LHFPL3: variants seen among roughly 807,000 people sequenced by gnomAD.
The protein encoded by LHFPL3 is LHFPL tetraspan subfamily member 3.
In LHFPL3, 5 loss-of-function variants were observed where a neutral mutation model predicts 19.3. That is an observed-to-expected ratio of 0.26 (90% CI 0.14 to 0.54). The LOEUF (loss-of-function observed/expected upper bound fraction) is 0.54, where lower values mean the gene tolerates loss of function less well. Ranked by LOEUF, LHFPL3 falls within the 20% of genes least tolerant of loss-of-function variation. The probability of loss-of-function intolerance (pLI) is 0.94; values close to 1 mark genes in which losing one functional copy is unlikely to be tolerated. For missense variants in LHFPL3, 249 were observed against 307.4 expected (o/e 0.81, Z 1.42); for synonymous variants, 133 against 126.2 (o/e 1.05, Z -0.36).
At chr7:104,832,199 G>A (rs565167605) in intron 2 of LHFPL3, among the ~76,000 whole-genome samples, 3 of 152,074 alleles carry the variant, frequency 2.0e-5, no homozygotes, top group East Asian at 1.9e-4. Context: ...TAGATGCACC[G>A]GATAATTGTC....
At chr7:104,438,818 T>TA (rs138507751) in intron 1 of LHFPL3, among the ~76,000 whole-genome samples, 30,764 of 151,680 alleles carry the variant, frequency 0.2, 3,546 homozygotes, top group Admixed American at 0.33. Context: ...GTTGATTTTT[T>TA]AAAAAAACAA....
chr7:104,430,405 C>CATATATATATACATATAT (rs1791954184), intron 1 of LHFPL3, among the ~76,000 whole-genome samples: 1 of 22,456 alleles, frequency 4.5e-5, no homozygotes, highest in African/African-American at 1.9e-4. Context: ...TATATATATA[C>CATATATATATACATATAT]ATATATATAT....
chr7:104,488,084 C>A (rs1194596011), intron 1 of LHFPL3, among the ~76,000 whole-genome samples: 1 of 152,172 alleles, frequency 6.6e-6, no homozygotes, highest in Non-Finnish European at 1.5e-5. Flanking sequence ...GCAAACTCTA[C>A]TGGCAATGGG....
intron 2 of LHFPL3, among the ~76,000 whole-genome samples, chr7:104,857,023 G>A (rs1196649820): frequency 6.6e-6 from 1 of 152,182 alleles, no homozygotes; most frequent in East Asian, 1.9e-4. Flanking sequence ...TTTTGTGATT[G>A]TGCTGTATGC....
intron 1 of LHFPL3, among the ~76,000 whole-genome samples, chr7:104,598,162 T>G (rs1357340785): frequency 6.6e-6 from 1 of 152,132 alleles, no homozygotes; most frequent in Non-Finnish European, 1.5e-5. Flanking sequence ...AAGCACAAAA[T>G]TAATCCTGCT....
intron 1 of LHFPL3, among the ~76,000 whole-genome samples, chr7:104,464,126 C>T (rs932004924): frequency 3.9e-5 from 6 of 152,178 alleles, no homozygotes; most frequent in East Asian, 1.9e-4. Flanking sequence ...GCTACATGCC[C>T]CATGCAAGTC....
At chr7:104,789,903 A>T (rs1006732748) in intron 2 of LHFPL3, among the ~76,000 whole-genome samples, 4 of 151,956 alleles carry the variant, frequency 2.6e-5, no homozygotes. Context: ...ATGAGCCCTA[A>T]TTTTTTCTAG....
At chr7:104,604,187 A>G (rs1389805399) in intron 1 of LHFPL3, among the ~76,000 whole-genome samples, 1 of 152,148 alleles carries the variant, frequency 6.6e-6, no homozygotes, top group Non-Finnish European at 1.5e-5. Context: ...TGAGCACCAC[A>G]TGGTAGCTGA....
intron 2 of LHFPL3, among the ~76,000 whole-genome samples, chr7:104,743,372 T>C (rs944583141): frequency 6.6e-6 from 1 of 152,200 alleles, no homozygotes; most frequent in Non-Finnish European, 1.5e-5. Flanking sequence ...CCCCAGATCA[T>C]AGACAGAAAA....
At position 104,360,731 on chromosome 7, in the gene LHFPL3, GTGTGTGTGTGTA is replaced by G. The variant is rs1168919139; in HGVS notation, c.445+31509_445+31520del. On this transcript the variant is annotated intron_variant, in intron 1 of 2. Transcript: ENST00000424859. ...TGTGTGTGTGTGTGTGTGTGTGTGT[GTGTGTGTGTGTA>G]TACATTTACATACTTCTTGCCCAGG... Among the ~76,000 whole-genome samples, 790 of 110,270 alleles carry G rather than the reference GTGTGTGTGTGTA, an allele frequency of 7.2e-3. 10 individuals carry two copies. The highest frequency in any genetic ancestry group is 0.026 in the African/African-American group (743 of 28,538). 72.3% of individuals were successfully genotyped at this position (110,270 alleles called of 152,430 possible). A position where few individuals can be genotyped will look rare whatever the true frequency, so the allele number is the denominator to read the frequency against.
At chr7:104,668,869 A>G in intron 1 of LHFPL3, 2 of 1,612,176 alleles carry the variant, frequency 1.2e-6, no homozygotes, top group Admixed American at 1.7e-5. Flanking sequence ...AAAGAGAAGT[A>G]GAAGAACGGC....
At chr7:104,543,652 A>C (rs1261110789) in intron 1 of LHFPL3, among the ~76,000 whole-genome samples, 1 of 151,064 alleles carries the variant, frequency 6.6e-6, no homozygotes, top group Non-Finnish European at 1.5e-5. Flanking sequence ...TTCTCAGCAA[A>C]CTATCGCAAG....
chr7:104,659,322 C>A (rs1246691342), intron 1 of LHFPL3, among the ~76,000 whole-genome samples: 1 of 152,220 alleles, frequency 6.6e-6, no homozygotes. Flanking sequence ...TCATACCCAG[C>A]ATCTCTGCCA....
intron 1 of LHFPL3, among the ~76,000 whole-genome samples, chr7:104,640,240 A>G (rs1210247250): frequency 6.6e-6 from 1 of 152,172 alleles, no homozygotes; most frequent in Non-Finnish European, 1.5e-5. Flanking sequence ...CTCTGCATGC[A>G]TTAGGTATTT....
intron 2 of LHFPL3, among the ~76,000 whole-genome samples, chr7:104,877,355 A>T (rs1414315615): frequency 6.6e-6 from 1 of 152,242 alleles, no homozygotes; most frequent in Non-Finnish European, 1.5e-5. Flanking sequence ...TTTGCAAATT[A>T]TATACCTGAT....
At chr7:104,669,559 G>A in intron 1 of LHFPL3, 1 of 1,611,608 alleles carries the variant, frequency 6.2e-7, no homozygotes, top group Non-Finnish European at 8.5e-7. Flanking sequence ...AAATGAGGGA[G>A]AAGATTATGC....
At chr7:104,806,431 A>G (rs972812893) in intron 2 of LHFPL3, among the ~76,000 whole-genome samples, 4 of 152,344 alleles carry the variant, frequency 2.6e-5, no homozygotes, top group East Asian at 1.9e-4. Flanking sequence ...AAGGGATTGC[A>G]TTGAACCCCA....
At chr7:104,624,881 C>A (rs1791514320) in intron 1 of LHFPL3, among the ~76,000 whole-genome samples, 1 of 152,126 alleles carries the variant, frequency 6.6e-6, no homozygotes, top group Non-Finnish European at 1.5e-5. Flanking sequence ...TATTAAAGAG[C>A]AAAAGGAGAA....
chr7:104,532,098 G>GT (rs1256723663), intron 1 of LHFPL3, among the ~76,000 whole-genome samples: 3 of 151,892 alleles, frequency 2.0e-5, no homozygotes, highest in African/African-American at 4.8e-5. Context: ...TAGATAATCT[G>GT]TTTTTTGCAT....
Sources: gnomAD v4.1 joint callset for allele counts (sites outside exome capture counted in the v4.1 genomes callset) on GRCh38, gnomAD v4.1.1 for gene constraint, MANE v1.5 for transcripts, NCBI Gene and HGNC (gene_info 2026-07-23, HGNC 2026-07-21) for gene names.